SACS: variants seen among roughly 807,000 people sequenced by gnomAD.
SACS encodes sacsin.
A neutral mutation model predicts 348.0 loss-of-function variants in SACS; 197 were observed. That is an observed-to-expected ratio of 0.57 (90% CI 0.50 to 0.64). The LOEUF (loss-of-function observed/expected upper bound fraction) is 0.64. Among genes scored for constraint, SACS ranks in the 30% least tolerant of loss-of-function variants. SACS has a pLI of 0.00. For missense variants in SACS, 4,999 were observed against 5,360.8 expected, an observed-to-expected ratio of 0.93 and a Z score of 2.11; for synonymous variants, 1,985 against 1,910.6, an observed-to-expected ratio of 1.04 and a Z score of -1.02.
At position 23,332,883 on chromosome 13, in the gene SACS, T is replaced by C. The variant is rs755488010; in HGVS notation, c.10993A>G (p.Arg3665Gly). The change falls in exon 10 of 10, where the codon AGA (arginine) becomes GGA (glycine). Residue 3665 changes from arginine (R) to glycine (G), a missense_variant. Arg to Gly is a moderately radical substitution (Grantham distance 125). This residue lies in a region of SACS where 831 missense variants were observed against 941.8 expected (regional missense o/e 0.88). Transcript: ENST00000382292. ...ACCTCTTGATATTGAGGATGAAATC[T>C]AATGAATTCCGCGGGGGCCCGCTCA... Reference protein sequence around the residue: ...CPERAPAEFIRFHPQYQEVNG... With the variant: ...CPERAPAEFIGFHPQYQEVNG... The C allele has an allele frequency of 6.2e-7, 1 of 1,613,932 alleles. No individual in the cohort carries two copies. The highest frequency in any genetic ancestry group is 8.5e-7 in the Non-Finnish European group (1 of 1,179,932).
rs551548289 is a variant in SACS, at chr13:23,361,601, A to AC, written c.458-3121dup. Among the ~76,000 whole-genome samples, 52 of 152,236 alleles carry AC rather than the reference A, an allele frequency of 3.4e-4. No individual in the cohort carries two copies. In the East Asian group the frequency reaches 9.7e-3, roughly 28 times the overall value. ...AGACCAGCCTGGCCAACATGGTGAAACCCCGTCTCTACTAAAAATACAAAA... is the reference window on the plus strand; with the variant it reads ...AGACCAGCCTGGCCAACATGGTGAAACCCCCGTCTCTACTAAAAATACAAAA... On this transcript the variant is annotated intron_variant, in intron 6 of 9. Coordinates refer to ENST00000382292, the MANE Select transcript of SACS (RefSeq NM_014363.6).
intron 6 of SACS, 69 bp from the exon 7 acceptor site, chr13:23,358,550 T>A: frequency 6.5e-7 from 1 of 1,533,758 alleles, no homozygotes. Context: ...TCTCAAGAGA[T>A]CCTCTATACA....
intron 2 of SACS, among the ~76,000 whole-genome samples, chr13:23,402,450 C>A (rs1439085351): frequency 6.6e-6 from 1 of 152,132 alleles, no homozygotes; most frequent in African/African-American, 2.4e-5. Context: ...AAAGCATTTA[C>A]CTTTGCCTTC....
chr13:23,390,616 C>CA (rs1181084845), intron 2 of SACS, among the ~76,000 whole-genome samples: 1 of 152,168 alleles, frequency 6.6e-6, no homozygotes, highest in African/African-American at 2.4e-5. Context: ...AAGCCATGAT[C>CA]ATACCACCAC....
At chr13:23,412,732 T>C (rs1216569530) in intron 1 of SACS, among the ~76,000 whole-genome samples, 1 of 152,062 alleles carries the variant, frequency 6.6e-6, no homozygotes, top group African/African-American at 2.4e-5. Context: ...TACAACTTTA[T>C]GTGTACAATA....
At chr13:23,418,637 T>G (rs556586510) in intron 1 of SACS, among the ~76,000 whole-genome samples, 26 of 152,192 alleles carry the variant, frequency 1.7e-4, no homozygotes, top group African/African-American at 6.3e-4. Flanking sequence ...GTCTGAGTAG[T>G]TGGGCTTACA....
chr13:23,428,214 A>T (rs1272367181), intron 1 of SACS: 1 of 152,174 alleles, frequency 6.6e-6, no homozygotes, highest in Admixed American at 6.5e-5. Context: ...ATCCTCTGGA[A>T]TATGGTGAAA....
At chr13:23,390,791 C>T (rs900410457) in intron 2 of SACS, among the ~76,000 whole-genome samples, 3 of 152,232 alleles carry the variant, frequency 2.0e-5, no homozygotes, top group African/African-American at 7.2e-5. Flanking sequence ...CATCCCTCGT[C>T]GTGTCTAAAG....
intron 2 of SACS, among the ~76,000 whole-genome samples, chr13:23,377,423 T>C (rs373699215): frequency 3.3e-5 from 5 of 152,142 alleles, no homozygotes; most frequent in African/African-American, 1.2e-4. Flanking sequence ...TGGTGGTTGG[T>C]TTGTTCATTT....
At chr13:23,382,865 T>G (rs778762374) in intron 2 of SACS, among the ~76,000 whole-genome samples, 1 of 146,704 alleles carries the variant, frequency 6.8e-6, no homozygotes, top group Non-Finnish European at 1.5e-5. Context: ...CACTGCAGCC[T>G]CAAACTCCTG....
Position 23,340,598 on chromosome 13 carries a change from T to C in SACS, c.3278A>G (p.Lys1093Arg), listed in dbSNP as rs1869116240. The C allele has an allele frequency of 6.2e-7, 1 of 1,613,130 alleles. No individual in the cohort carries two copies. Among genetic ancestry groups the C allele is most frequent in the Admixed American group, 1.7e-5 (1 of 59,792 alleles). ...CTTTTCTTTGAGACTGGCTTCGTTT[T>C]TTAAACCAATCTGTCTTAAGGAGTG... ...ILHSLRQIGL[K>R]NEASLKEKDV... Residue 1093 changes from lysine (K) to arginine (R), a missense_variant, in exon 10 of 10, where the codon AAA becomes AGA. By Grantham distance (26) the Lys-to-Arg change is conservative. This residue lies in a region of SACS where 3,156 missense variants were observed against 3,380.1 expected (regional missense o/e 0.93). Coordinates refer to ENST00000382292, the MANE Select transcript of SACS (RefSeq NM_014363.6).
At chr13:23,431,157 A>C (rs1673463193) in intron 1 of SACS, among the ~76,000 whole-genome samples, 1 of 152,258 alleles carries the variant, frequency 6.6e-6, no homozygotes, top group African/African-American at 2.4e-5. Flanking sequence ...TGATCAAATA[A>C]TTGTTGTAAA....
chr13:23,373,121 G>A (rs1286348711), intron 3 of SACS, among the ~76,000 whole-genome samples: 2 of 152,154 alleles, frequency 1.3e-5, no homozygotes, highest in Non-Finnish European at 2.9e-5. Context: ...ACATCTAGGG[G>A]ACAAGATGAT....
At chr13:23,424,268 A>T (rs932122336) in intron 1 of SACS, among the ~76,000 whole-genome samples, 1 of 152,012 alleles carries the variant, frequency 6.6e-6, no homozygotes, top group African/African-American at 2.4e-5. Context: ...GCTCACGCCT[A>T]TAATCCCAGA....
At chr13:23,388,265 C>T (rs1048134771) in intron 2 of SACS, among the ~76,000 whole-genome samples, 1 of 147,496 alleles carries the variant, frequency 6.8e-6, no homozygotes, top group Non-Finnish European at 1.5e-5. Context: ...ACCGGGCAGG[C>T]GGAGTTTGCA....
chr13:23,375,446 G>A (rs1871711705), intron 2 of SACS, 177 bp from the exon 3 acceptor site: 1 of 1,183,170 alleles, frequency 8.5e-7, no homozygotes, highest in East Asian at 3.8e-5. Context: ...CAGGCCCCGC[G>A]CGGGCCGGGA....
At position 23,375,661 on chromosome 13, in the gene SACS, C is replaced by G; in HGVS notation, c.21-392G>C. On this transcript the variant is annotated intron_variant, in intron 2 of 9. Transcript: ENST00000382292. The stretch of plus-strand genomic sequence containing the variant: ...GATCCGCCCCGCCCCTCCCGCCAGG[C>G]CCCGCCCCCAGGGAACGCCCATCCA... 3 of 725,570 alleles carry G rather than the reference C, an allele frequency of 4.1e-6. No homozygotes were observed. In the South Asian group the frequency reaches 1.9e-4, roughly 46 times the overall value. The allele number at this position is 725,570 out of a possible 1,614,324, so 44.9% of individuals were successfully genotyped here. A position where few individuals can be genotyped will look rare whatever the true frequency, so the allele number is the denominator to read the frequency against.
intron 9 of SACS, among the ~76,000 whole-genome samples, chr13:23,351,984 T>A (rs575040602): frequency 9.2e-5 from 14 of 152,314 alleles, no homozygotes; most frequent in African/African-American, 3.4e-4. Flanking sequence ...TCTATATTAA[T>A]TTATACATTT....
chr13:23,368,250 A>G (rs1024718437), intron 5 of SACS, among the ~76,000 whole-genome samples, 152 bp downstream of exon 5: 1 of 152,158 alleles, frequency 6.6e-6, no homozygotes, highest in Non-Finnish European at 1.5e-5. Context: ...GGAGCTATAC[A>G]CTGCTATACA....
Sources: allele counts gnomAD v4.1 joint callset (sites outside exome capture counted in the v4.1 genomes callset), GRCh38; gene constraint gnomAD v4.1.1; regional missense constraint gnomAD v4.1.1; transcripts MANE v1.5; gene names NCBI Gene and HGNC (gene_info 2026-07-23, HGNC 2026-07-21).